FCSK: variants seen among roughly 807,000 people sequenced by gnomAD.
FCSK encodes fucose kinase.
A neutral mutation model predicts 122.5 loss-of-function variants in FCSK; 123 were observed. The ratio of observed to expected loss-of-function variants is 1.00; its 90% CI spans 0.87 to 1.17. The LOEUF (loss-of-function observed/expected upper bound fraction) is 1.17, where lower values mean the gene tolerates loss of function less well. FCSK is among the 50% of genes most tolerant of loss of function. The pLI is 0.00. For missense variants in FCSK, 1,366 were observed against 1,450.4 expected, an observed-to-expected ratio of 0.94 and a Z score of 0.95; for synonymous variants, 620 against 625.5, an observed-to-expected ratio of 0.99 and a Z score of 0.13.
In FCSK at chr16:70,474,892, G is replaced by T. The variant is rs1268190695; in HGVS notation, c.2258G>T (p.Arg753Leu). 31 of 1,607,056 alleles carry T rather than the reference G, an allele frequency of 1.9e-5. No homozygotes were observed. The highest frequency in any genetic ancestry group is 2.7e-5 in the African/African-American group (2 of 74,842). ...CGCCGGCCCATCGGAGCCAGGGCACGCCGCATCCCGGAGCCTGAGCTGTGG... is the reference window on the plus strand; with the variant it reads ...CGCCGGCCCATCGGAGCCAGGGCACTCCGCATCCCGGAGCCTGAGCTGTGG... ...DGRRPIGARA[R>L]RIPEPELWLA... The change falls in exon 18 of 24, where the codon CGC (arginine) becomes CTC (leucine). Residue 753 changes from arginine (R) to leucine (L), a missense_variant. By Grantham distance (102) the Arg-to-Leu change is moderately radical (BLOSUM62 -2). Transcript: ENST00000288078.
At chr16:70,474,423 G>C in intron 16 of FCSK, 84 bp downstream of exon 16, 2 of 1,554,290 alleles carry the variant, frequency 1.3e-6, no homozygotes, top group Non-Finnish European at 1.7e-6. Flanking sequence ...CCCAGAGAGA[G>C]GTGGGGCTCC....
chr16:70,460,657 C>T (rs1476026241), intron 1 of FCSK, among the ~76,000 whole-genome samples: 1 of 152,194 alleles, frequency 6.6e-6, no homozygotes, highest in Non-Finnish European at 1.5e-5. Context: ...CCCGCCTTGG[C>T]CTCCCAAAGT....
chr16:70,463,124 T>G, intron 1 of FCSK, 45 bp from the exon 2 acceptor site: 4 of 1,088,638 alleles, frequency 3.7e-6, no homozygotes, highest in Non-Finnish European at 5.6e-6. Context: ...CTTTTAGTTA[T>G]GATGGTTTAA....
chr16:70,470,454 T>G (rs753245090), intron 11 of FCSK, 28 bp downstream of exon 11: 1 of 1,424,828 alleles, frequency 7.0e-7, no homozygotes, highest in South Asian at 1.2e-5. Flanking sequence ...CTCCGGTGCC[T>G]GCTGGTTGTC....
At position 70,474,860 on chromosome 16, in the gene FCSK, G is replaced by A. The variant is rs377349784; in HGVS notation, c.2226G>A (p.Val742=). Reference sequence around the variant, plus strand: ...CTGTGCTGGGCCTGGCTGTGCGAGTGGACGGCCGCCGGCCCATCGGAGCCA... The same window carrying A: ...CTGTGCTGGGCCTGGCTGTGCGAGTAGACGGCCGCCGGCCCATCGGAGCCA... ...GGAVLGLAVR[V]DGRRPIGARA... is the part of the protein sequence containing the mutation. The change falls in exon 18 of 24, where the codon GTG becomes GTA. Residue 742 remains valine, a synonymous_variant. Coordinates refer to ENST00000288078, the MANE Select transcript of FCSK (RefSeq NM_145059.3). 7 of 1,597,146 alleles carry A rather than the reference G, an allele frequency of 4.4e-6. No homozygotes were observed. The African/African-American group carries it at 6.7e-5, about 15-fold the overall frequency.
At chr16:70,478,507 C>G (rs1472681129) in intron 21 of FCSK, 44 bp from the exon 22 acceptor site, 1 of 1,613,362 alleles carries the variant, frequency 6.2e-7, no homozygotes, top group East Asian at 2.2e-5. Flanking sequence ...GGCCTGCCAG[C>G]TGGGCCTGGG....
rs200069143 is a variant in FCSK, at chr16:70,467,906, C to G, written c.603C>G (p.Tyr201Ter). 1 of 1,614,148 alleles carries G rather than the reference C, an allele frequency of 6.2e-7. No individual in the cohort carries two copies. Residue 201 changes from tyrosine (Y) to a stop codon, truncating the protein, a stop_gained, in exon 8 of 24, where the codon TAC (tyrosine) becomes TAG (stop). Coordinates refer to ENST00000288078, the MANE Select transcript of FCSK (RefSeq NM_145059.3). LOFTEE classifies it high-confidence loss of function. Reference protein sequence around the residue: ...TDPQGLVLDIYYQGTEAEIQR... With the variant: ...TDPQGLVLDI ...CATAGGGCCTTGTTTTGGACATTTA[C>G]TACCAGGGCACTGAGGCAGAGATTC...
Position 70,465,190 on chromosome 16 carries a change from G to A in FCSK, c.285+14G>A, listed in dbSNP as rs1349743394. 6.2e-7 allele frequency: 1 copy of A among 1,600,734 alleles called. No homozygotes were observed. The highest frequency in any genetic ancestry group is 1.1e-5 in the South Asian group (1 of 90,240). On this transcript the variant is annotated intron_variant, in intron 4 of 23. Transcript: ENST00000288078. ...ATTCTGCACATGGTAAATGAACTTT[G>A]GGGCAGGGGCCAAGCAGAAGGCCAG... is the stretch of plus-strand genomic sequence containing the variant.
rs774866946 is a variant in FCSK, at chr16:70,472,601, G to A, written c.1402G>A (p.Val468Ile). 2.9e-5 allele frequency: 47 copies of A among 1,612,128 alleles called. No individual in the cohort carries two copies. The Admixed American group carries it at 7.5e-4, about 26-fold the overall frequency. Residue 468 changes from valine to isoleucine, a missense_variant, in exon 14 of 24, where the codon GTT becomes ATT. Val to Ile is a conservative substitution (Grantham distance 29). Coordinates refer to ENST00000288078, the MANE Select transcript of FCSK (RefSeq NM_145059.3). ...GAGTGAATTCTTCAAGAGGACAGGT[G>A]TTCGGTAAGGTGGACACCCCTAGGG... ...PWSEFFKRTGVRAWDLWDPET... is the reference protein window; with the variant it reads ...PWSEFFKRTGIRAWDLWDPET...
chr16:70,472,457 G>T, intron 13 of FCSK, 84 bp from the exon 14 acceptor site: 1 of 1,082,672 alleles, frequency 9.2e-7, no homozygotes, highest in South Asian at 1.5e-5. Context: ...GTGAGCACTT[G>T]AGCAGCTCCT....
At chr16:70,463,549 A>G in intron 2 of FCSK, 74 bp from the exon 3 acceptor site, 1 of 1,567,474 alleles carries the variant, frequency 6.4e-7, no homozygotes, top group Non-Finnish European at 8.7e-7. Context: ...ACTGATGATC[A>G]GTAGGCTTGC....
intron 11 of FCSK, 135 bp from the exon 12 acceptor site, chr16:70,470,836 A>C: frequency 1.4e-6 from 1 of 730,956 alleles, no homozygotes; most frequent in Non-Finnish European, 2.2e-6. Flanking sequence ...GCAGGTCCAG[A>C]GAGGAGTCTA....
chr16:70,460,060 A>G (rs11649560), intron 1 of FCSK, among the ~76,000 whole-genome samples: 13,958 of 150,316 alleles, frequency 0.093, 838 homozygotes, highest in South Asian at 0.19. Context: ...CTGTCTCCCA[A>G]AGTGCTCGGA....
At chr16:70,466,372 G>A in intron 5 of FCSK, 115 bp downstream of exon 5, 1 of 1,327,854 alleles carries the variant, frequency 7.5e-7, no homozygotes, top group Non-Finnish European at 1.0e-6. Flanking sequence ...GGTTTTGAGG[G>A]TGCCTAATGT....
chr16:70,475,639 G>A lies in FCSK; in HGVS notation c.2522-9G>A, dbSNP rs373214025. The A allele has an allele frequency of 1.1e-3, 1,727 of 1,582,458 alleles. 37 individuals are homozygous for A. In the South Asian group the frequency reaches 0.018, roughly 16 times the overall value. ...GTTTCATGTCTGCTCTCTCCTCTCC[G>A]CCCTGCAGGCACCAGCAGCATCCTG... On this transcript the variant is annotated splice_polypyrimidine_tract_variant and intron_variant, in intron 19 of 23. Coordinates refer to ENST00000288078, the MANE Select transcript of FCSK (RefSeq NM_145059.3).
In FCSK at chr16:70,479,389, C is replaced by T. The variant is rs2048926700; in HGVS notation, c.3139C>T (p.Leu1047=). 1 of 1,613,050 alleles carries T rather than the reference C, an allele frequency of 6.2e-7. No homozygotes were observed. Residue 1047 remains leucine, a synonymous_variant, in exon 23 of 24, where the codon CTG becomes TTG. Coordinates refer to ENST00000288078, the MANE Select transcript of FCSK (RefSeq NM_145059.3). ...GCAAAAGGAGGCCTTGGAGGCGGTG[C>T]TGGCCAAGACCGAGGTACTGATGGG... ...PQQKEALEAV[L]AKTEGLGNYS... is the part of the protein sequence containing the mutation.
rs771358427 is a variant in FCSK, at chr16:70,475,392, A to C, written c.2420A>C (p.His807Pro). ...KAAFICAGIV[H>P]VHSELQLSEQ... is the part of the protein sequence containing the mutation. Reference sequence around the variant, plus strand: ...GCCTTCATCTGTGCAGGGATCGTGCATGTCCACTCGGAACTCCAGCTGAGT... The same window carrying C: ...GCCTTCATCTGTGCAGGGATCGTGCCTGTCCACTCGGAACTCCAGCTGAGT... Residue 807 changes from histidine to proline, a missense_variant, in exon 19 of 24, where the codon CAT (histidine) becomes CCT (proline). Coordinates refer to ENST00000288078, the MANE Select transcript of FCSK (RefSeq NM_145059.3). 1.2e-6 allele frequency: 2 copies of C among 1,610,672 alleles called. No individual in the cohort carries two copies. Among genetic ancestry groups the C allele is most frequent in the East Asian group, 2.2e-5 (1 of 44,852 alleles).
chr16:70,471,286 C>T lies in FCSK; in HGVS notation c.1275C>T (p.His425=). 6.2e-7 allele frequency: 1 copy of T among 1,607,374 alleles called. No homozygotes were observed. The highest frequency in any genetic ancestry group is 8.5e-7 in the Non-Finnish European group (1 of 1,177,668). Residue 425 remains histidine (H), a synonymous_variant, in exon 13 of 24, where the codon CAC becomes CAT. Coordinates refer to ENST00000288078, the MANE Select transcript of FCSK (RefSeq NM_145059.3). ...TGCGTGACCTTGTCCTGCAGGGACACCACACGCGGCTACACGGCTCCCCGG... is the reference window on the plus strand; with the variant it reads ...TGCGTGACCTTGTCCTGCAGGGACATCACACGCGGCTACACGGCTCCCCGG... ...RELRDLVLQG[H]HTRLHGSPGH... is the part of the protein sequence containing the mutation.
At chr16:70,467,792 C>A in intron 7 of FCSK, 94 bp from the exon 8 acceptor site, 1 of 1,081,470 alleles carries the variant, frequency 9.2e-7, no homozygotes, top group Non-Finnish European at 1.4e-6. Context: ...CTCAGCTTTC[C>A]TTTGGAGAAT....
Sources: allele counts gnomAD v4.1 joint callset (sites outside exome capture counted in the v4.1 genomes callset), GRCh38; gene constraint gnomAD v4.1.1; transcripts MANE v1.5; gene names NCBI Gene and HGNC (gene_info 2026-07-23, HGNC 2026-07-21).